DUSP16: variants seen among roughly 807,000 people sequenced by gnomAD.
The protein encoded by DUSP16 is dual specificity protein phosphatase 16.
Under a neutral mutation model 58.3 loss-of-function variants are expected in DUSP16, and 21 were observed. The ratio of observed to expected loss-of-function variants is 0.36; its 90% CI spans 0.26 to 0.52. DUSP16 has a LOEUF of 0.52. Among genes scored for constraint, DUSP16 ranks in the 20% least tolerant of loss-of-function variants. The pLI, the probability that DUSP16 is intolerant of heterozygous loss-of-function variation, is 0.94. For missense variants in DUSP16, 726 were observed against 819.0 expected, an observed-to-expected ratio of 0.89 and a Z score of 1.39; for synonymous variants, 320 against 323.8, an observed-to-expected ratio of 0.99 and a Z score of 0.12.
intron 3 of DUSP16, among the ~76,000 whole-genome samples, chr12:12,514,787 G>C (rs1475461565): frequency 6.6e-6 from 1 of 152,068 alleles, no homozygotes; most frequent in Non-Finnish European, 1.5e-5. Flanking sequence ...CTTCCAAGTA[G>C]CTGGGACTAT....
intron 3 of DUSP16, among the ~76,000 whole-genome samples, chr12:12,513,445 T>G (rs1292657625): frequency 6.6e-6 from 1 of 152,196 alleles, no homozygotes; most frequent in Admixed American, 6.5e-5. Flanking sequence ...TGGGCACCCT[T>G]GATTCCCAAT....
At chr12:12,484,962 A>C (rs529380470) in intron 5 of DUSP16, among the ~76,000 whole-genome samples, 1 of 151,742 alleles carries the variant, frequency 6.6e-6, no homozygotes, top group East Asian at 2.0e-4. Flanking sequence ...AATGTTTTTT[A>C]GAAGTACAAT....
chr12:12,479,917 T>C (rs982147807), intron 6 of DUSP16, among the ~76,000 whole-genome samples: 1 of 152,236 alleles, frequency 6.6e-6, no homozygotes, highest in South Asian at 2.1e-4. Context: ...CAAAGGATAC[T>C]TTTGCATTTA....
At chr12:12,515,477 G>C (rs1277819013) in intron 3 of DUSP16, among the ~76,000 whole-genome samples, 2 of 151,810 alleles carry the variant, frequency 1.3e-5, no homozygotes, top group African/African-American at 4.8e-5. Context: ...ACAGGCATGC[G>C]CCACCACACC....
chr12:12,514,241 AAC>A (rs1033441858), intron 3 of DUSP16, among the ~76,000 whole-genome samples: 20 of 152,174 alleles, frequency 1.3e-4, no homozygotes, highest in Non-Finnish European at 2.9e-5. Flanking sequence ...ACACACAGAA[AAC>A]ACAGGCTACA....
At chr12:12,490,431 ATACT>A (rs1307275946) in intron 4 of DUSP16, among the ~76,000 whole-genome samples, 1 of 152,208 alleles carries the variant, frequency 6.6e-6, no homozygotes, top group Non-Finnish European at 1.5e-5. Context: ...AAACCCTTAA[ATACT>A]TAATATAATT....
Position 12,537,634 on chromosome 12 carries a change from G to A in DUSP16, c.-365-16171C>T, listed in dbSNP as rs373377045. 6.6e-5 allele frequency among the ~76,000 whole-genome samples: 10 copies of A among 152,196 alleles called. No homozygotes were observed. In the East Asian group the frequency reaches 1.7e-3, roughly 26 times the overall value. On this transcript the variant is annotated intron_variant, in intron 1 of 6. Transcript: ENST00000298573. ...CCATCTCATCTAAAACATAGTCCAC[G>A]GCATAGACCCTAAAAATATGCTCAC...
At chr12:12,539,738 G>A (rs1944523077) in intron 1 of DUSP16, among the ~76,000 whole-genome samples, 1 of 136,238 alleles carries the variant, frequency 7.3e-6, no homozygotes, top group African/African-American at 2.9e-5. Context: ...TCAAGGTTGG[G>A]CCAGCAGTTA....
chr12:12,480,484 C>G, intron 5 of DUSP16, 138 bp from the exon 6 acceptor site: 1 of 1,003,856 alleles, frequency 1.0e-6, no homozygotes, highest in Non-Finnish European at 1.4e-6. Context: ...TATTTATCCT[C>G]GCAATATTCT....
intron 3 of DUSP16, 88 bp downstream of exon 3, chr12:12,519,774 A>C: frequency 7.5e-7 from 1 of 1,337,892 alleles, no homozygotes; most frequent in East Asian, 2.3e-5. Context: ...AGTTGGGATG[A>C]TCTATTGTAC....
intron 3 of DUSP16, among the ~76,000 whole-genome samples, chr12:12,513,752 A>T (rs1394137875): frequency 6.6e-6 from 1 of 152,208 alleles, no homozygotes; most frequent in Non-Finnish European, 1.5e-5. Context: ...CATTTTTCAC[A>T]TGCAGGTTGA....
intron 1 of DUSP16, chr12:12,561,121 GT>G (rs1018708661): frequency 2.0e-5 from 3 of 152,186 alleles, no homozygotes; most frequent in African/African-American, 7.2e-5. Context: ...ACTTCAGAGA[GT>G]TTTAAAACCC....
At chr12:12,558,371 C>T (rs1944841810) in intron 1 of DUSP16, among the ~76,000 whole-genome samples, 1 of 149,082 alleles carries the variant, frequency 6.7e-6, no homozygotes, top group South Asian at 2.1e-4. Context: ...CAATCACTAT[C>T]CCTCAAGATT....
chr12:12,496,879 A>C (rs1481060184), intron 4 of DUSP16, among the ~76,000 whole-genome samples: 1 of 152,242 alleles, frequency 6.6e-6, no homozygotes, highest in Admixed American at 6.5e-5. Context: ...GGAAAATAAA[A>C]GTATGTTTTT....
At chr12:12,516,720 G>T (rs1592188732) in intron 3 of DUSP16, among the ~76,000 whole-genome samples, 1 of 152,174 alleles carries the variant, frequency 6.6e-6, no homozygotes, top group Admixed American at 6.6e-5. Context: ...GAAACAATCT[G>T]AAGTTTTCTC....
At chr12:12,485,089 A>C (rs1203920434) in intron 5 of DUSP16, among the ~76,000 whole-genome samples, 4 of 150,992 alleles carry the variant, frequency 2.6e-5, no homozygotes. Context: ...GGCTCACTGC[A>C]ACCTCCGCCT....
intron 1 of DUSP16, among the ~76,000 whole-genome samples, chr12:12,538,365 T>C (rs1403873042): frequency 6.6e-6 from 1 of 152,226 alleles, no homozygotes; most frequent in East Asian, 1.9e-4. Flanking sequence ...CAGAGACTAC[T>C]GAAATTTCAT....
intron 1 of DUSP16, among the ~76,000 whole-genome samples, chr12:12,535,148 T>G (rs1254883138): frequency 6.6e-6 from 1 of 152,248 alleles, no homozygotes; most frequent in Non-Finnish European, 1.5e-5. Context: ...GACGGACACC[T>G]GTGCCAGTGC....
chr12:12,532,755 T>C (rs796522531), intron 1 of DUSP16, among the ~76,000 whole-genome samples: 17 of 152,048 alleles, frequency 1.1e-4, no homozygotes, highest in African/African-American at 3.9e-4. Context: ...CGAGAACTAC[T>C]TGGCCAACAT....
Sources: allele counts gnomAD v4.1 joint callset (sites outside exome capture counted in the v4.1 genomes callset), GRCh38; gene constraint gnomAD v4.1.1; transcripts MANE v1.5; gene names NCBI Gene and HGNC (gene_info 2026-07-23, HGNC 2026-07-21).